CHST15: variants seen among roughly 807,000 people sequenced by gnomAD.
CHST15 encodes carbohydrate sulfotransferase 15, also known as B cell RAG associated protein (GALNAC4S-6ST).
A neutral mutation model predicts 53.6 loss-of-function variants in CHST15; 30 were observed. The ratio of observed to expected loss-of-function variants is 0.56; its 90% CI spans 0.42 to 0.76. The LOEUF is 0.76. Ranked by LOEUF, CHST15 falls within the 30% of genes least tolerant of loss-of-function variation. The pLI, the probability that CHST15 is intolerant of heterozygous loss-of-function variation, is 0.00. For synonymous variants in CHST15, 296 were observed against 289.8 expected (o/e 1.02, Z -0.22); for missense variants, 627 against 740.5 (o/e 0.85, Z 1.78).
chr10:124,041,670 T>C (rs1273627986), intron 4 of CHST15, among the ~76,000 whole-genome samples: 1 of 152,204 alleles, frequency 6.6e-6, no homozygotes, highest in African/African-American at 2.4e-5. Flanking sequence ...CCTTAAATTA[T>C]ACAATAAAAA....
chr10:124,086,348 C>G (rs977207471), intron 1 of CHST15, among the ~76,000 whole-genome samples: 1 of 152,226 alleles, frequency 6.6e-6, no homozygotes, highest in Non-Finnish European at 1.5e-5. Flanking sequence ...CTCCGCCACC[C>G]CAGATGTTTC....
rs1564858055 is a variant in CHST15, at chr10:124,024,846, A to G, written c.1191-3434T>C. Among the ~76,000 whole-genome samples the G allele has an allele frequency of 6.6e-6, 1 of 152,186 alleles. No individual in the cohort carries two copies. The highest frequency in any genetic ancestry group is 2.4e-5 in the African/African-American group (1 of 41,442). ...GAGGGGTACCCTTCCTGGCTCACAC[A>G]TTTCCTATGAGTCCTGTCAATAATA... On this transcript the variant is annotated intron_variant, in intron 5 of 7. Transcript: ENST00000435907. The surrounding 1 kb of genome is among the most constrained non-coding windows in gnomAD (Gnocchi z 4.0).
intron 1 of CHST15, among the ~76,000 whole-genome samples, chr10:124,078,601 A>G (rs751365251): frequency 2.0e-5 from 3 of 152,198 alleles, no homozygotes; most frequent in Non-Finnish European, 4.4e-5. Flanking sequence ...ATAGAGCGCC[A>G]TGTGGACCCG....
rs544274838 is a variant in CHST15 at position 124,031,505 on chromosome 10, A to T, written c.1190+7010T>A. Among the ~76,000 whole-genome samples the T allele has an allele frequency of 5.3e-5, 8 of 152,272 alleles. No homozygotes were observed. In the South Asian group the frequency reaches 1.7e-3, roughly 32 times the overall value. On this transcript the variant is annotated intron_variant, in intron 5 of 7. Transcript: ENST00000435907. Reference sequence around the variant, plus strand: ...GGAATCCTGTGAGCAGTTGTAACATAAGAGTTAGAATTTATGTATTGAAGC... The same window carrying T: ...GGAATCCTGTGAGCAGTTGTAACATTAGAGTTAGAATTTATGTATTGAAGC...
intron 5 of CHST15, among the ~76,000 whole-genome samples, chr10:124,034,601 C>T (rs1344320335): frequency 2.7e-5 from 4 of 145,866 alleles, no homozygotes; most frequent in East Asian, 2.4e-4. Context: ...CTGGCTCCAC[C>T]CCCTAACAGG....
At chr10:124,055,955 T>C (rs1948366123) in intron 1 of CHST15, among the ~76,000 whole-genome samples, 1 of 152,146 alleles carries the variant, frequency 6.6e-6, no homozygotes, top group Non-Finnish European at 1.5e-5. Context: ...AAAACCCAGG[T>C]GGGCTCCAGC....
At chr10:124,028,732 C>A (rs549673906) in intron 5 of CHST15, among the ~76,000 whole-genome samples, 24 of 152,224 alleles carry the variant, frequency 1.6e-4, no homozygotes, top group African/African-American at 5.3e-4. Context: ...TGGCCTTGAG[C>A]TCTGACATGT....
At chr10:124,027,082 CA>C (rs1379169091) in intron 5 of CHST15, among the ~76,000 whole-genome samples, 1 of 152,210 alleles carries the variant, frequency 6.6e-6, no homozygotes, top group East Asian at 1.9e-4. Context: ...ATGGGTATTA[CA>C]TTTGGCCAGG....
intron 1 of CHST15, among the ~76,000 whole-genome samples, chr10:124,091,343 G>A (rs1023450168): frequency 2.0e-5 from 3 of 148,738 alleles, no homozygotes; most frequent in South Asian, 4.2e-4. Flanking sequence ...GGTCCTGGGA[G>A]GAGAAGCAGG....
Position 124,046,180 on chromosome 10 carries a change from C to G in CHST15, c.33G>C (p.Leu11=). 1 of 1,611,278 alleles carries G rather than the reference C, an allele frequency of 6.2e-7. No individual in the cohort carries two copies. Among genetic ancestry groups the G allele is most frequent in the Middle Eastern group, 1.7e-4 (1 of 6,018 alleles). Residue 11 remains leucine, a synonymous_variant, in exon 2 of 8, where the codon CTG becomes CTC. Transcript: ENST00000435907. MRHCINCCIQ[L]LPDGAHKQQV... ...GCTGCTTGTGTGCGCCGTCGGGTAA[C>G]AGCTGTATGCAGCAATTAATGCAGT... is the stretch of plus-strand genomic sequence containing the variant.
In CHST15 at chr10:124,046,248, GCCATGGGTGGGC is replaced by G. The variant is rs1037184943; in HGVS notation, c.-48_-37del. 20 of 1,540,008 alleles carry G rather than the reference GCCATGGGTGGGC, an allele frequency of 1.3e-5. No individual in the cohort carries two copies. In the African/African-American group the frequency reaches 2.7e-4, roughly 21 times the overall value. On this transcript the variant is annotated 5_prime_UTR_variant, in exon 2 of 8. The change abolishes an upstream ATG in the 5' untranslated region. Coordinates refer to ENST00000435907, the MANE Select transcript of CHST15 (RefSeq NM_001270764.2). Reference sequence around the variant, plus strand: ...GTGCCCTGGGCTGCTGGCTTACCGAGCCATGGGTGGGCCCCCCACGAGTCTGGATGTCCGCAA... The same window carrying G: ...GTGCCCTGGGCTGCTGGCTTACCGAGCCCCCACGAGTCTGGATGTCCGCAA...
intron 1 of CHST15, among the ~76,000 whole-genome samples, chr10:124,083,334 T>C (rs1332382251): frequency 1.3e-5 from 2 of 152,200 alleles, no homozygotes; most frequent in Non-Finnish European, 2.9e-5. Flanking sequence ...TATCGACTTA[T>C]TTCCATTTTA....
chr10:124,045,651 G>A lies in CHST15; in HGVS notation c.546+16C>T. On this transcript the variant is annotated intron_variant, in intron 2 of 7. Transcript: ENST00000435907. The stretch of plus-strand genomic sequence containing the variant: ...AAAATCAACCAATCAGTCAAGATTA[G>A]CACAAAGCTACTCACATGCAACTCC... 6.4e-7 allele frequency: 1 copy of A among 1,558,238 alleles called. No individual in the cohort carries two copies. Among genetic ancestry groups the A allele is most frequent in the Non-Finnish European group, 8.7e-7 (1 of 1,153,354 alleles).
intron 6 of CHST15, among the ~76,000 whole-genome samples, chr10:124,016,760 T>C (rs138755891): frequency 2.6e-5 from 4 of 152,212 alleles, no homozygotes; most frequent in Non-Finnish European, 2.9e-5. Context: ...AGGGGATCTC[T>C]AATGAGACGA....
Position 124,008,108 on chromosome 10 carries a change from A to G in CHST15, c.*2041T>C, listed in dbSNP as rs1027555390. The G allele has an allele frequency of 8.1e-7, 1 of 1,231,834 alleles. No homozygotes were observed. Among genetic ancestry groups the G allele is most frequent in the African/African-American group, 1.5e-5 (1 of 64,552 alleles). 76.3% of individuals were successfully genotyped at this position (1,231,834 alleles called of 1,614,324 possible). A position where few individuals can be genotyped will look rare whatever the true frequency, so the allele number is the denominator to read the frequency against. ...AAATAATATTGGAAATAATACCTTCAGTAATACTTCTGTAAGAAGCAGAAT... is the reference window on the plus strand; with the variant it reads ...AAATAATATTGGAAATAATACCTTCGGTAATACTTCTGTAAGAAGCAGAAT... On this transcript the variant is annotated 3_prime_UTR_variant, in exon 8 of 8. Coordinates refer to ENST00000435907, the MANE Select transcript of CHST15 (RefSeq NM_001270764.2).
chr10:124,008,507 C>G lies in CHST15; in HGVS notation c.*1642G>C. On this transcript the variant is annotated 3_prime_UTR_variant, in exon 8 of 8. Coordinates refer to ENST00000435907, the MANE Select transcript of CHST15 (RefSeq NM_001270764.2). ...GGGACTGTCCCTGCAAGTGGGAGTTCAGGACACACGCTCCTTCAGTAGCAA... is the reference window on the plus strand; with the variant it reads ...GGGACTGTCCCTGCAAGTGGGAGTTGAGGACACACGCTCCTTCAGTAGCAA... The G allele has an allele frequency of 3.0e-6, 3 of 993,146 alleles. No individual in the cohort carries two copies. Among genetic ancestry groups the G allele is most frequent in the Non-Finnish European group, 3.6e-6 (3 of 834,034 alleles). 61.5% of individuals were successfully genotyped at this position (993,146 alleles called of 1,614,324 possible). A position where few individuals can be genotyped will look rare whatever the true frequency, so the allele number is the denominator to read the frequency against.
At chr10:124,068,585 G>A (rs1948820882) in intron 1 of CHST15, among the ~76,000 whole-genome samples, 1 of 152,198 alleles carries the variant, frequency 6.6e-6, no homozygotes, top group Non-Finnish European at 1.5e-5. Flanking sequence ...CTGGCTTGCT[G>A]AAATGCATCC....
intron 1 of CHST15, among the ~76,000 whole-genome samples, chr10:124,055,505 A>G (rs933113127): frequency 7.9e-5 from 12 of 151,994 alleles, no homozygotes; most frequent in African/African-American, 2.7e-4. Flanking sequence ...CCGGTGTCCA[A>G]TTTTCCTGTC....
Position 124,025,953 on chromosome 10 carries a change from C to T in CHST15, c.1191-4541G>A, listed in dbSNP as rs553718126. ...ATCTTGATTTAGGACTTCTGGCCTCCAGAATCATAAGAGACTACATTTCTG... is the reference window on the plus strand; with the variant it reads ...ATCTTGATTTAGGACTTCTGGCCTCTAGAATCATAAGAGACTACATTTCTG... On this transcript the variant is annotated intron_variant, in intron 5 of 7. Coordinates refer to ENST00000435907, the MANE Select transcript of CHST15 (RefSeq NM_001270764.2). 2.6e-5 allele frequency among the ~76,000 whole-genome samples: 4 copies of T among 152,244 alleles called. 1 individual carries two copies. Among genetic ancestry groups the T allele is most frequent in the African/African-American group, 9.6e-5 (4 of 41,546 alleles).
Sources: allele counts gnomAD v4.1 joint callset (sites outside exome capture counted in the v4.1 genomes callset), GRCh38; gene constraint gnomAD v4.1.1; non-coding constraint Gnocchi (gnomAD v3.1); transcripts MANE v1.5; gene names NCBI Gene and HGNC (gene_info 2026-07-23, HGNC 2026-07-21).